THBS4: variants seen among roughly 807,000 people sequenced by gnomAD.
THBS4 encodes thrombospondin 4, also known as thrombospondin-4.
A neutral mutation model predicts 115.7 loss-of-function variants in THBS4; 90 were observed. That is an observed-to-expected ratio of 0.78 (90% CI 0.66 to 0.93). The LOEUF (loss-of-function observed/expected upper bound fraction) is 0.93, where lower values mean the gene tolerates loss of function less well. THBS4 is among the 40% of genes least tolerant of loss of function. THBS4 has a pLI of 0.00. For synonymous variants in THBS4, 460 were observed against 479.3 expected (o/e 0.96, Z 0.53); for missense variants, 1,087 against 1,232.7 (o/e 0.88, Z 1.77).
intron 2 of THBS4, among the ~76,000 whole-genome samples, chr5:80,055,337 G>A (rs1420546230): frequency 3.3e-5 from 5 of 150,674 alleles, no homozygotes; most frequent in Admixed American, 6.6e-5. Flanking sequence ...AAAAAAAAAA[G>A]GGAAGAAATC....
chr5:79,999,833 C>T (rs746631935), intron 2 of THBS4, among the ~76,000 whole-genome samples: 1 of 152,188 alleles, frequency 6.6e-6, no homozygotes, highest in Non-Finnish European at 1.5e-5. Flanking sequence ...CTTGAAATGT[C>T]AGTCATTACT....
chr5:79,997,400 G>A (rs900341804), intron 1 of THBS4, among the ~76,000 whole-genome samples: 1 of 152,096 alleles, frequency 6.6e-6, no homozygotes, highest in Non-Finnish European at 1.5e-5. Context: ...GTGTGTGTGT[G>A]TGTGTATATA....
upstream of THBS4, among the ~76,000 whole-genome samples, chr5:80,033,791 T>C (rs1209451685): frequency 6.6e-6 from 1 of 152,218 alleles, no homozygotes; most frequent in Non-Finnish European, 1.5e-5. Flanking sequence ...TGATATAGCA[T>C]ATTGCTGCTT....
rs140327178 is a variant in THBS4 at position 80,064,635 on chromosome 5, G to T, written c.1126-774G>T. Among the ~76,000 whole-genome samples, 41 of 152,334 alleles carry T rather than the reference G, an allele frequency of 2.7e-4. 1 individual carries two copies. In the East Asian group the frequency reaches 7.9e-3, roughly 29 times the overall value. On this transcript the variant is annotated intron_variant, in intron 8 of 21. Coordinates refer to ENST00000350881, the MANE Select transcript of THBS4 (RefSeq NM_003248.6). ...GGTCCCAGCAACCTTGGGAGGTTGA[G>T]GTGGGAGGATCACCTGAGTCTGGGA...
rs1416051019 is a variant in THBS4, at chr5:80,070,097, TTCTC to T, written c.1348-205_1348-202del. 4.1e-5 allele frequency among the ~76,000 whole-genome samples: 6 copies of T among 146,134 alleles called. No individual in the cohort carries two copies. In the East Asian group the frequency reaches 1.0e-3, roughly 24 times the overall value. On this transcript the variant is annotated intron_variant, in intron 10 of 21. Transcript: ENST00000350881. ...GGAAGTGGGAGTGGGAGGGAGAGTT[TTCTC>T]TCTGAGTCTCCCTTTATATCTTTGA... is the stretch of plus-strand genomic sequence containing the variant.
chr5:80,052,872 C>A (rs1203980515), intron 2 of THBS4: 1 of 152,230 alleles, frequency 6.6e-6, no homozygotes, highest in Non-Finnish European at 1.5e-5. Flanking sequence ...GCGGCACCAT[C>A]TTGGCATTTA....
rs150719741 is a variant in THBS4 at position 80,076,897 on chromosome 5, C to A, written c.1935C>A (p.Thr645=). The change falls in exon 16 of 22, where the codon ACC becomes ACA. Residue 645 remains threonine, a synonymous_variant. Coordinates refer to ENST00000350881, the MANE Select transcript of THBS4 (RefSeq NM_003248.6). ...AGGACAGCACAGACAACTGCCCCACCGTCATTAACAGTGCCCAGCTGGACA... is the reference window on the plus strand; with the variant it reads ...AGGACAGCACAGACAACTGCCCCACAGTCATTAACAGTGCCCAGCTGGACA... ...GHQDSTDNCP[T]VINSAQLDTD... 1,425 of 1,610,350 alleles carry A rather than the reference C, an allele frequency of 8.8e-4. 2 individuals carry two copies. Among genetic ancestry groups the A allele is most frequent in the Non-Finnish European group, 1.2e-3 (1,367 of 1,177,896 alleles).
At chr5:80,068,487 C>A (rs1040119983) in intron 10 of THBS4, 1 of 253,370 alleles carries the variant, frequency 3.9e-6, no homozygotes, top group African/African-American at 2.3e-5. Flanking sequence ...TCTGCCCCAT[C>A]TACCTGCCTG....
intron 8 of THBS4, among the ~76,000 whole-genome samples, chr5:80,063,933 G>A (rs1466222968): frequency 1.3e-5 from 2 of 152,238 alleles, no homozygotes; most frequent in Admixed American, 6.5e-5. Context: ...TGATGCCACA[G>A]CAGATCCTGG....
chr5:80,011,886 G>T (rs867878572), intron 2 of THBS4, among the ~76,000 whole-genome samples: 1 of 148,486 alleles, frequency 6.7e-6, no homozygotes, highest in Non-Finnish European at 1.5e-5. Flanking sequence ...TAAAAAAAAA[G>T]AAAAAAAAGA....
At chr5:80,047,310 C>T (rs751830084) in intron 2 of THBS4, among the ~76,000 whole-genome samples, 4 of 152,190 alleles carry the variant, frequency 2.6e-5, no homozygotes, top group Non-Finnish European at 5.9e-5. Context: ...TTCACAAGGA[C>T]ACTGTCAAGT....
intron 2 of THBS4, among the ~76,000 whole-genome samples, chr5:80,027,629 C>T (rs967260294): frequency 2.0e-5 from 3 of 152,136 alleles, no homozygotes; most frequent in Non-Finnish European, 4.4e-5. Flanking sequence ...GACACAGCGG[C>T]TCACACCTGT....
upstream of THBS4, among the ~76,000 whole-genome samples, chr5:80,030,408 C>T (rs1441219490): frequency 1.3e-5 from 2 of 151,944 alleles, no homozygotes; most frequent in African/African-American, 4.8e-5. Flanking sequence ...CACACTGTTG[C>T]CTGGGCTGGA....
chr5:80,064,507 C>G (rs1833742220), intron 8 of THBS4, among the ~76,000 whole-genome samples: 1 of 152,206 alleles, frequency 6.6e-6, no homozygotes, highest in Non-Finnish European at 1.5e-5. Context: ...AAATACCATA[C>G]TTAAAGAATA....
At position 80,079,390 on chromosome 5, in the gene THBS4, G is replaced by A. The variant is rs1743379600; in HGVS notation, c.2511+132G>A. ...TGCATTTATGCTAACGTTAGAGTCA[G>A]GGAAGACTACAGTTGACCCTTGCCT... On this transcript the variant is annotated intron_variant, in intron 19 of 21. Transcript: ENST00000350881. The A allele has an allele frequency of 1.1e-5, 11 of 999,316 alleles. No homozygotes were observed. The South Asian group carries it at 1.8e-4, about 16-fold the overall frequency. 61.9% of individuals were successfully genotyped at this position (999,316 alleles called of 1,614,324 possible). A position where few individuals can be genotyped will look rare whatever the true frequency, so the allele number is the denominator to read the frequency against.
intron 2 of THBS4, among the ~76,000 whole-genome samples, chr5:80,000,153 C>T (rs1446708833): frequency 6.6e-6 from 1 of 152,130 alleles, no homozygotes; most frequent in African/African-American, 2.4e-5. Context: ...TATTACTGTA[C>T]TTACACCATT....
chr5:80,083,100 C>G lies in THBS4; in HGVS notation c.2845C>G (p.Gln949Glu). The G allele has an allele frequency of 6.2e-7, 1 of 1,613,990 alleles. No homozygotes were observed. Among genetic ancestry groups the G allele is most frequent in the African/African-American group, 1.3e-5 (1 of 75,062 alleles). Residue 949 changes from glutamine (Q) to glutamate (E), a missense_variant, in exon 22 of 22, where the codon CAA (glutamine) becomes GAA (glutamate). Gln to Glu is a conservative substitution (Grantham distance 29). This residue lies in a region of THBS4 where 103 missense variants were observed against 108.2 expected (regional missense o/e 0.95). Transcript: ENST00000350881. The part of the protein sequence containing the change: ...RCNDTIPEDF[Q>E]EFQTQNFDRF... ...TGCAGACACCATCCCTGAGGACTTCCAAGAGTTTCAAACCCAGAATTTCGA... is the reference window on the plus strand; with the variant it reads ...TGCAGACACCATCCCTGAGGACTTCGAAGAGTTTCAAACCCAGAATTTCGA...
At chr5:80,057,317 C>T (rs1833465270) in intron 3 of THBS4, among the ~76,000 whole-genome samples, 1 of 152,144 alleles carries the variant, frequency 6.6e-6, no homozygotes, top group Admixed American at 6.5e-5. Flanking sequence ...GAAGCTCTAC[C>T]TCCTTAGACC....
At position 80,079,074 on chromosome 5, in the gene THBS4, T is replaced by G; in HGVS notation, c.2327T>G (p.Phe776Cys). The change falls in exon 19 of 22, where the codon TTT becomes TGT. Residue 776 changes from phenylalanine (F) to cysteine (C), a missense_variant. By Grantham distance (205) the Phe-to-Cys change is radical (BLOSUM62 -2). Around this residue, in one of 3 missense-constraint regions of THBS4, gnomAD observed 979 missense variants for 1,103.7 expected, o/e 0.89. Coordinates refer to ENST00000350881, the MANE Select transcript of THBS4 (RefSeq NM_003248.6). ...DPGLAVGYTA[F>C]NGVDFEGTFH... ...CTGGTCCCTACAGGGTACACAGCTT[T>G]TAATGGAGTTGACTTCGAAGGGACC... The G allele has an allele frequency of 6.2e-7, 1 of 1,613,606 alleles. No homozygotes were observed. The highest frequency in any genetic ancestry group is 8.5e-7 in the Non-Finnish European group (1 of 1,179,614).
Sources: allele counts gnomAD v4.1 joint callset (sites outside exome capture counted in the v4.1 genomes callset), GRCh38; gene constraint gnomAD v4.1.1; regional missense constraint gnomAD v4.1.1; transcripts MANE v1.5; gene names NCBI Gene and HGNC (gene_info 2026-07-23, HGNC 2026-07-21).